The following SPATS2 variants were observed in gnomAD, a reference collection of about 807,000 sequenced individuals.
SPATS2 encodes spermatogenesis-associated serine-rich protein 2.
A neutral mutation model predicts 63.7 loss-of-function variants in SPATS2; 38 were observed. The observed-to-expected ratio is 0.60, with a 90% CI of 0.46 to 0.78. The LOEUF (loss-of-function observed/expected upper bound fraction) is 0.78. Among genes scored for constraint, SPATS2 ranks in the 30% least tolerant of loss-of-function variants. The pLI, the probability that SPATS2 is intolerant of heterozygous loss-of-function variation, is 0.00. For missense variants in SPATS2, 588 were observed against 666.2 expected (o/e 0.88, Z 1.29); for synonymous variants, 207 against 232.9 (o/e 0.89, Z 1.01).
At chr12:49,516,355 G>C (rs1946850362) in intron 10 of SPATS2, among the ~76,000 whole-genome samples, 1 of 124,924 alleles carries the variant, frequency 8.0e-6, no homozygotes, top group Admixed American at 7.2e-5. Flanking sequence ...GCAAGACCCT[G>C]TCTTGAAATT....
At chr12:49,385,405 A>G (rs1226707866) in intron 2 of SPATS2, among the ~76,000 whole-genome samples, 2 of 151,282 alleles carry the variant, frequency 1.3e-5, no homozygotes, top group African/African-American at 2.4e-5. Context: ...AGACAGAGAT[A>G]GAGACAGAGA....
chr12:49,435,368 G>C (rs1479996358), intron 2 of SPATS2, among the ~76,000 whole-genome samples: 17 of 148,354 alleles, frequency 1.1e-4, no homozygotes, highest in African/African-American at 4.2e-4. Flanking sequence ...TTTGTCGCCC[G>C]GGCCAGAGTG....
At position 49,492,990 on chromosome 12, in the gene SPATS2, C is replaced by T. The variant is rs147027082; in HGVS notation, c.265-1751C>T. 4.8e-4 allele frequency among the ~76,000 whole-genome samples: 73 copies of T among 151,424 alleles called. No individual in the cohort carries two copies. In the South Asian group the frequency reaches 0.012, roughly 26 times the overall value. On this transcript the variant is annotated intron_variant, in intron 6 of 13. Transcript: ENST00000552918. ...GCACATGCCTGTAATCCCAGCTACTCGGGAGGCCAAGTCAGGAGAATTGCT... is the reference window on the plus strand; with the variant it reads ...GCACATGCCTGTAATCCCAGCTACTTGGGAGGCCAAGTCAGGAGAATTGCT...
At chr12:49,504,605 TA>T (rs1565755047) in intron 9 of SPATS2, among the ~76,000 whole-genome samples, 1 of 152,126 alleles carries the variant, frequency 6.6e-6, no homozygotes, top group Non-Finnish European at 1.5e-5. Flanking sequence ...AGGTATTTTT[TA>T]AAAGGAGAAA....
intron 2 of SPATS2, among the ~76,000 whole-genome samples, chr12:49,427,489 A>G (rs142888221): frequency 1.9e-3 from 283 of 152,280 alleles, no homozygotes; most frequent in African/African-American, 6.5e-3. Context: ...CGTGTTTTCT[A>G]ATGTACCATG....
At chr12:49,411,457 GTAAA>G (rs1944795615) in intron 2 of SPATS2, among the ~76,000 whole-genome samples, 1 of 152,068 alleles carries the variant, frequency 6.6e-6, no homozygotes, top group African/African-American at 2.4e-5. Context: ...TCTACCATGA[GTAAA>G]TAAATATTTT....
chr12:49,443,898 A>G (rs1945466565), intron 2 of SPATS2, among the ~76,000 whole-genome samples: 1 of 152,190 alleles, frequency 6.6e-6, no homozygotes, highest in Non-Finnish European at 1.5e-5. Context: ...GCTTTATAGT[A>G]AGTTTTGAAA....
At chr12:49,379,550 CAAAAAA>C (rs565753035) in intron 2 of SPATS2, among the ~76,000 whole-genome samples, 24 of 45,034 alleles carry the variant, frequency 5.3e-4, no homozygotes, top group Non-Finnish European at 1.1e-3. Flanking sequence ...GAATCCGTCT[CAAAAAA>C]AAAAAAAAAA....
At chr12:49,448,276 TACA>T (rs1945551935) in intron 2 of SPATS2, among the ~76,000 whole-genome samples, 1 of 151,534 alleles carries the variant, frequency 6.6e-6, no homozygotes, top group Non-Finnish European at 1.5e-5. Context: ...TAGCTGGGAC[TACA>T]GGCACCCGCC....
intron 2 of SPATS2, among the ~76,000 whole-genome samples, chr12:49,376,755 T>C (rs1164349745): frequency 7.4e-6 from 1 of 134,502 alleles, no homozygotes; most frequent in Non-Finnish European, 1.5e-5. Context: ...TCTCACTCTG[T>C]CGCCCAGGCT....
intron 3 of SPATS2, among the ~76,000 whole-genome samples, chr12:49,475,543 C>G (rs1486796887): frequency 6.6e-6 from 1 of 152,144 alleles, no homozygotes; most frequent in Non-Finnish European, 1.5e-5. Flanking sequence ...CTGGTTCAAG[C>G]AGTTCCCCTG....
intron 2 of SPATS2, among the ~76,000 whole-genome samples, chr12:49,432,317 C>CA (rs551977767): frequency 5.3e-5 from 8 of 152,244 alleles, no homozygotes; most frequent in Non-Finnish European, 1.0e-4. Context: ...ACTAAAAATA[C>CA]AAAAATTAGC....
chr12:49,437,945 T>G (rs1365967924), intron 2 of SPATS2, among the ~76,000 whole-genome samples: 1 of 152,102 alleles, frequency 6.6e-6, no homozygotes, highest in Admixed American at 6.5e-5. Flanking sequence ...TTCCCTAGAT[T>G]TTACATAAAA....
At chr12:49,397,004 C>CT (rs575878773) in intron 2 of SPATS2, among the ~76,000 whole-genome samples, 184 of 152,324 alleles carry the variant, frequency 1.2e-3, no homozygotes, top group African/African-American at 4.1e-3. Flanking sequence ...GTGTTTTTAG[C>CT]TTCATCTGGC....
chr12:49,469,410 A>AG (rs1945990613), intron 3 of SPATS2: 1 of 246,942 alleles, frequency 4.0e-6, no homozygotes, highest in African/African-American at 2.4e-5. Context: ...AAAAAAAAAA[A>AG]AAAGCCAGGC....
Position 49,390,006 on chromosome 12 carries a change from A to G in SPATS2, c.-244+18716A>G, listed in dbSNP as rs1201472895. The G allele has an allele frequency of 4.7e-6, 4 of 860,196 alleles. No homozygotes were observed. In the Middle Eastern group the frequency reaches 8.1e-4, roughly 175 times the overall value. 53.3% of individuals were successfully genotyped at this position (860,196 alleles called of 1,614,324 possible). ...ACAAGCAACAGGATTGCAAGGAACA[A>G]GAACTAATATTTCAACTTGAACAAG... On this transcript the variant is annotated intron_variant, in intron 2 of 13. Transcript: ENST00000552918.
At chr12:49,468,456 G>A (rs1213380905) in intron 3 of SPATS2, among the ~76,000 whole-genome samples, 3 of 150,802 alleles carry the variant, frequency 2.0e-5, no homozygotes, top group Non-Finnish European at 2.9e-5. Context: ...CACTGTGCCC[G>A]GCCTTTTTTT....
At chr12:49,499,391 GTTGT>G (rs1946524431) in intron 8 of SPATS2, among the ~76,000 whole-genome samples, 1 of 146,548 alleles carries the variant, frequency 6.8e-6, no homozygotes, top group Admixed American at 6.8e-5. Context: ...GTTCTGCCTG[GTTGT>G]TTTGTTTTGT....
intron 3 of SPATS2, among the ~76,000 whole-genome samples, chr12:49,465,288 C>T (rs1945892565): frequency 6.6e-6 from 1 of 152,118 alleles, no homozygotes; most frequent in Non-Finnish European, 1.5e-5. Context: ...GGTGGCGATA[C>T]ACAGTTTTAC....
Sources: allele counts gnomAD v4.1 joint callset (sites outside exome capture counted in the v4.1 genomes callset), GRCh38; gene constraint gnomAD v4.1.1; transcripts MANE v1.5; gene names NCBI Gene and HGNC (gene_info 2026-07-23, HGNC 2026-07-21).